Variants in LDHB observed in about 807,000 individuals in gnomAD.
LDHB encodes lactate dehydrogenase B.
A neutral mutation model predicts 33.4 loss-of-function variants in LDHB; 18 were observed. The ratio of observed to expected loss-of-function variants is 0.54; its 90% CI spans 0.37 to 0.80. The LOEUF (loss-of-function observed/expected upper bound fraction) is 0.80. LDHB is among the 30% of genes least tolerant of loss of function. LDHB has a pLI of 0.00. For missense variants in LDHB, 345 were observed against 407.9 expected, an observed-to-expected ratio of 0.85 and a Z score of 1.33; for synonymous variants, 121 against 140.6, an observed-to-expected ratio of 0.86 and a Z score of 0.98.
intron 3 of LDHB, among the ~76,000 whole-genome samples, chr12:21,645,374 C>G (rs948022983): frequency 1.3e-5 from 2 of 152,058 alleles, no homozygotes; most frequent in Non-Finnish European, 2.9e-5. Context: ...TCCCCCAGCC[C>G]GACACTGGTA....
At chr12:21,644,155 T>C in intron 3 of LDHB, 47 bp from the exon 4 acceptor site, 1 of 1,331,640 alleles carries the variant, frequency 7.5e-7, no homozygotes, top group Non-Finnish European at 1.1e-6. Context: ...CAACTCTTCA[T>C]TATAACATAA....
rs1342422085 is a variant in LDHB, at chr12:21,637,014, CTT to C, written c.837+55_837+56del. On this transcript the variant is annotated intron_variant, in intron 7 of 7. Transcript: ENST00000350669. ...CTGGTCTGAGCCTCTTTAAATGAAT[CTT>C]TTTGTAGAATACAATGCGAGAAATC... 3 of 1,406,764 alleles carry C rather than the reference CTT, an allele frequency of 2.1e-6. No individual in the cohort carries two copies. In the African/African-American group the frequency reaches 4.2e-5, roughly 20 times the overall value. The allele number at this position is 1,406,764 out of a possible 1,614,324, so 87.1% of individuals were successfully genotyped here. A position where few individuals can be genotyped will look rare whatever the true frequency, so the allele number is the denominator to read the frequency against.
At chr12:21,647,391 T>C (rs1938555355) in intron 2 of LDHB, among the ~76,000 whole-genome samples, 1 of 152,136 alleles carries the variant, frequency 6.6e-6, no homozygotes, top group South Asian at 2.1e-4. Context: ...AGATTTGGCT[T>C]AAATCACCAG....
At chr12:21,639,990 T>G (rs1009729683) in intron 5 of LDHB, among the ~76,000 whole-genome samples, 1 of 151,944 alleles carries the variant, frequency 6.6e-6, no homozygotes, top group Non-Finnish European at 1.5e-5. Flanking sequence ...CATTTCAAAC[T>G]CCCACTGAAT....
intron 6 of LDHB, 64 bp from the exon 7 acceptor site, chr12:21,637,258 CT>C: frequency 2.5e-6 from 3 of 1,197,784 alleles, no homozygotes; most frequent in Non-Finnish European, 3.7e-6. Context: ...CCAGACCTGA[CT>C]TTGACTACTG....
chr12:21,650,103 A>AAAAAT (rs5796919), intron 2 of LDHB, among the ~76,000 whole-genome samples: 76,776 of 136,708 alleles, frequency 0.56, 22,203 homozygotes, highest in East Asian at 0.76. Flanking sequence ...AGAGAAAAAA[A>AAAAAT]ATACACACAC....
At chr12:21,637,732 GGATT>G (rs1938256081) in intron 6 of LDHB, among the ~76,000 whole-genome samples, 1 of 151,918 alleles carries the variant, frequency 6.6e-6, no homozygotes, top group Admixed American at 6.6e-5. Context: ...TGGAAAATTA[GGATT>G]TAATGCAATT....
intron 4 of LDHB, 171 bp downstream of exon 4, chr12:21,643,763 CT>C (rs1162710522): frequency 1.6e-6 from 1 of 612,086 alleles, no homozygotes; most frequent in Non-Finnish European, 2.9e-6. Flanking sequence ...AACATCTGGC[CT>C]GGGACAGAGG....
intron 4 of LDHB, among the ~76,000 whole-genome samples, chr12:21,643,008 C>G (rs2136967401): frequency 6.6e-6 from 1 of 152,360 alleles, no homozygotes; most frequent in Middle Eastern, 3.4e-3. Flanking sequence ...GTGCTAGCTA[C>G]TTGTCATTCC....
At chr12:21,638,328 T>TA in intron 6 of LDHB, 25 bp downstream of exon 6, 1 of 1,213,608 alleles carries the variant, frequency 8.2e-7, no homozygotes. Flanking sequence ...ATTAATCATC[T>TA]AAAATCAAGT....
At chr12:21,650,662 G>A (rs529180598) in intron 2 of LDHB, among the ~76,000 whole-genome samples, 2 of 152,206 alleles carry the variant, frequency 1.3e-5, no homozygotes, top group Non-Finnish European at 2.9e-5. Flanking sequence ...TGGGATAAAA[G>A]TAAAGTCTGG....
intron 1 of LDHB, among the ~76,000 whole-genome samples, chr12:21,656,644 T>C (rs1353434553): frequency 6.6e-6 from 1 of 152,232 alleles, no homozygotes; most frequent in African/African-American, 2.4e-5. Context: ...ATTTAAAGGC[T>C]CGAACCAGAT....
intron 3 of LDHB, among the ~76,000 whole-genome samples, chr12:21,644,843 T>A (rs1184967989): frequency 6.6e-6 from 1 of 152,162 alleles, no homozygotes; most frequent in African/African-American, 2.4e-5. Context: ...TCAGATGAAA[T>A]AATATGTGCA....
intron 6 of LDHB, 138 bp from the exon 7 acceptor site, chr12:21,637,332 T>C: frequency 4.4e-6 from 3 of 677,002 alleles, no homozygotes; most frequent in South Asian, 3.4e-5. Context: ...TGTTCCCTTT[T>C]TGAGTGTTAA....
intron 6 of LDHB, among the ~76,000 whole-genome samples, 165 bp downstream of exon 6, chr12:21,638,188 A>G (rs372734873): frequency 7.2e-5 from 11 of 152,064 alleles, no homozygotes; most frequent in African/African-American, 2.4e-4. Flanking sequence ...GGAGACTGGC[A>G]TAGCAAGTTT....
At chr12:21,651,066 G>T (rs1014423213) in intron 2 of LDHB, among the ~76,000 whole-genome samples, 2 of 152,214 alleles carry the variant, frequency 1.3e-5, no homozygotes, top group Admixed American at 1.3e-4. Flanking sequence ...CCAGGTGAAG[G>T]GAAATGCAAG....
At chr12:21,645,541 T>C (rs1232873943) in intron 3 of LDHB, among the ~76,000 whole-genome samples, 2 of 152,234 alleles carry the variant, frequency 1.3e-5, no homozygotes, top group East Asian at 1.9e-4. Flanking sequence ...GAACACTGCC[T>C]TAGGGCTGGA....
intron 2 of LDHB, among the ~76,000 whole-genome samples, chr12:21,648,566 G>A (rs748670769): frequency 9.9e-5 from 15 of 151,968 alleles, no homozygotes; most frequent in Admixed American, 2.6e-4. Context: ...GTAGGTAACT[G>A]GAGTTCAGGA....
chr12:21,653,167 C>T (rs773978058), intron 2 of LDHB, among the ~76,000 whole-genome samples: 5 of 152,072 alleles, frequency 3.3e-5, no homozygotes, highest in Non-Finnish European at 5.9e-5. Context: ...ACAAAGGATA[C>T]ATATGAGGTA....
Sources: allele counts gnomAD v4.1 joint callset (sites outside exome capture counted in the v4.1 genomes callset), GRCh38; gene constraint gnomAD v4.1.1; transcripts MANE v1.5; gene names NCBI Gene and HGNC (gene_info 2026-07-23, HGNC 2026-07-21).